The following IKBKB variants were observed in gnomAD, a reference collection of about 807,000 sequenced individuals.
IKBKB encodes the protein inhibitor of nuclear factor kappa-B kinase subunit beta.
In IKBKB, 42 loss-of-function variants were observed where a neutral mutation model predicts 113.6. The ratio of observed to expected loss-of-function variants is 0.37; its 90% CI spans 0.29 to 0.48. The LOEUF is 0.48. Ranked by LOEUF, IKBKB falls within the 20% of genes least tolerant of loss-of-function variation. The pLI is 0.99. For missense variants in IKBKB, 673 were observed against 939.7 expected (o/e 0.72, Z 3.71); for synonymous variants, 296 against 361.3 (o/e 0.82, Z 2.05).
chr8:42,330,429 G>A (rs572584747), intron 21 of IKBKB: 183 of 429,526 alleles, frequency 4.3e-4, no homozygotes, highest in African/African-American at 3.1e-3. Context: ...CAAGCGATCC[G>A]CTCGCCTCTG....
In IKBKB at chr8:42,331,561, C is replaced by T. The variant is rs200969166; in HGVS notation, c.*582C>T. 38 of 601,840 alleles carry T rather than the reference C, an allele frequency of 6.3e-5. No homozygotes were observed. The highest frequency in any genetic ancestry group is 1.1e-4 in the Non-Finnish European group (37 of 337,656). 37.3% of individuals were successfully genotyped at this position (601,840 alleles called of 1,614,324 possible). A position where few individuals can be genotyped will look rare whatever the true frequency, so the allele number is the denominator to read the frequency against. On this transcript the variant is annotated 3_prime_UTR_variant, in exon 22 of 22. Coordinates refer to ENST00000520810, the MANE Select transcript of IKBKB (RefSeq NM_001556.3). ...TATAGTTGCGGCCTGGCCCCATCCT[C>T]ACTTCCTCTTTTTATTTCACTGCTG...
At chr8:42,302,461 G>A (rs189504979) in intron 5 of IKBKB, among the ~76,000 whole-genome samples, 3 of 152,274 alleles carry the variant, frequency 2.0e-5, no homozygotes, top group East Asian at 3.9e-4. Flanking sequence ...ACTTAAAAGA[G>A]CAGATGCAAG....
chr8:42,308,868 GCAGCT>G, intron 7 of IKBKB, 28 bp from the exon 8 acceptor site: 8 of 1,610,374 alleles, frequency 5.0e-6, no homozygotes, highest in Non-Finnish European at 6.8e-6. Context: ...CCAGAGAGGA[GCAGCT>G]CAGGTGTACC....
At chr8:42,276,061 G>A (rs537184112) in intron 2 of IKBKB, among the ~76,000 whole-genome samples, 6 of 152,170 alleles carry the variant, frequency 3.9e-5, no homozygotes, top group African/African-American at 7.2e-5. Flanking sequence ...GGATGGTCTC[G>A]AATTCCTGAC....
chr8:42,272,337 C>A, intron 2 of IKBKB, 132 bp downstream of exon 2: 1 of 1,226,118 alleles, frequency 8.2e-7, no homozygotes, highest in Non-Finnish European at 1.2e-6. Context: ...AATAGGGGGA[C>A]TGGGAAGAGG....
intron 2 of IKBKB, among the ~76,000 whole-genome samples, chr8:42,283,949 T>C (rs1810860800): frequency 6.6e-6 from 1 of 152,122 alleles, no homozygotes; most frequent in Non-Finnish European, 1.5e-5. Flanking sequence ...GGATAGATGC[T>C]CTTGGCAATG....
At chr8:42,282,355 A>G (rs929047643) in intron 2 of IKBKB, among the ~76,000 whole-genome samples, 4 of 152,120 alleles carry the variant, frequency 2.6e-5, no homozygotes, top group Admixed American at 6.6e-5. Flanking sequence ...GGCATCTACT[A>G]CTATGCCTGG....
chr8:42,304,405 T>C (rs1245465928), intron 5 of IKBKB, among the ~76,000 whole-genome samples: 1 of 152,222 alleles, frequency 6.6e-6, no homozygotes, highest in Admixed American at 6.5e-5. Flanking sequence ...TGCCTCCTCA[T>C]GTGACATCAT....
At chr8:42,293,072 A>C in intron 4 of IKBKB, among the ~76,000 whole-genome samples, 1 of 152,150 alleles carries the variant, frequency 6.6e-6, no homozygotes, top group East Asian at 1.9e-4. Context: ...GTATCCAGTC[A>C]TGCCCTCCCA....
At chr8:42,320,900 C>T (rs1447194389) in intron 16 of IKBKB, 56 bp downstream of exon 16, 1 of 1,169,256 alleles carries the variant, frequency 8.6e-7, no homozygotes. Context: ...AGCCCTGGAG[C>T]TTCGGTGTGT....
chr8:42,282,269 C>T (rs910479695), intron 2 of IKBKB, among the ~76,000 whole-genome samples: 2 of 152,188 alleles, frequency 1.3e-5, no homozygotes, highest in Non-Finnish European at 2.9e-5. Context: ...ACGCAGGTCT[C>T]GCTCTATTGC....
chr8:42,305,307 A>C, intron 6 of IKBKB, 32 bp downstream of exon 6: 3 of 1,428,040 alleles, frequency 2.1e-6, no homozygotes, highest in South Asian at 1.2e-5. Context: ...GGAAAGCCTC[A>C]GGTGGGCGTG....
intron 5 of IKBKB, among the ~76,000 whole-genome samples, chr8:42,302,462 C>G (rs1367846870): frequency 6.6e-6 from 1 of 152,104 alleles, no homozygotes; most frequent in East Asian, 1.9e-4. Context: ...CTTAAAAGAG[C>G]AGATGCAAGG....
chr8:42,325,950 CTT>C lies in IKBKB; in HGVS notation c.1987-17_1987-16del, dbSNP rs747312853. Reference sequence around the variant, plus strand: ...TGATTCATCACTTGGCTCCTAATTTCTTTTGATTTTGTCCCCTAGAGCAAGGT... The same window carrying C: ...TGATTCATCACTTGGCTCCTAATTTCTTGATTTTGTCCCCTAGAGCAAGGT... On this transcript the variant is annotated intron_variant, in intron 19 of 21. Transcript: ENST00000520810. The C allele has an allele frequency of 2.7e-5, 43 of 1,613,086 alleles. No homozygotes were observed. The highest frequency in any genetic ancestry group is 3.5e-5 in the Non-Finnish European group (41 of 1,179,684).
intron 2 of IKBKB, among the ~76,000 whole-genome samples, chr8:42,275,773 A>G (rs1808952280): frequency 6.6e-6 from 1 of 152,124 alleles, no homozygotes; most frequent in African/African-American, 2.4e-5. Flanking sequence ...TCTTTGATAA[A>G]CTGATTTCCT....
chr8:42,305,367 A>T, intron 6 of IKBKB, 92 bp downstream of exon 6: 1 of 754,558 alleles, frequency 1.3e-6, no homozygotes, highest in South Asian at 1.5e-5. Flanking sequence ...ATTTGTGTGT[A>T]TTTGCATTTC....
chr8:42,306,525 C>A (rs1338208059), intron 7 of IKBKB, 93 bp downstream of exon 7: 1 of 805,614 alleles, frequency 1.2e-6, no homozygotes, highest in African/African-American at 1.7e-5. Context: ...GCACCTGAGT[C>A]CCACCGGCTC....
intron 18 of IKBKB, 70 bp from the exon 19 acceptor site, chr8:42,322,277 T>C (rs1819921041): frequency 2.5e-6 from 4 of 1,599,768 alleles, no homozygotes; most frequent in Non-Finnish European, 3.4e-6. Flanking sequence ...GCTGACTGGA[T>C]GCACAGCTGC....
rs1170292567 is a variant in IKBKB, at chr8:42,322,511, G to T, written c.1986+17G>T. The T allele has an allele frequency of 6.2e-7, 1 of 1,613,136 alleles. No individual in the cohort carries two copies. Among genetic ancestry groups the T allele is most frequent in the Non-Finnish European group, 8.5e-7 (1 of 1,179,870 alleles). On this transcript the variant is annotated intron_variant, in intron 19 of 21. Transcript: ENST00000520810. ...ATTGCTTGTGTGAGTGAGTGCTGTG[G>T]TCCCGGGCCCTTGGCCTAGCAGCCT...
Sources: allele counts gnomAD v4.1 joint callset (sites outside exome capture counted in the v4.1 genomes callset), GRCh38; gene constraint gnomAD v4.1.1; transcripts MANE v1.5; gene names NCBI Gene and HGNC (gene_info 2026-07-23, HGNC 2026-07-21).